SVIL: variants seen among roughly 807,000 people sequenced by gnomAD.
SVIL encodes archvillin.
A neutral mutation model predicts 240.4 loss-of-function variants in SVIL; 101 were observed. That is an observed-to-expected ratio of 0.42 (90% CI 0.36 to 0.50). The LOEUF (loss-of-function observed/expected upper bound fraction) is 0.50. Among genes scored for constraint, SVIL ranks in the 20% least tolerant of loss-of-function variants. SVIL has a pLI of 0.01. For missense variants in SVIL, 2,512 were observed against 2,818.7 expected (o/e 0.89, Z 2.46); for synonymous variants, 999 against 1,100.0 (o/e 0.91, Z 1.82).
At position 29,735,592 on chromosome 10, in the gene SVIL, G is replaced by A. The variant is rs1265371073; in HGVS notation, c.-400+159C>T. ...CCGCCGGCCTCCACCCCCGGGAGGC[G>A]CCCCCGTTCCCGCTTCGGTCCCCGG... On this transcript the variant is annotated intron_variant, in intron 1 of 35. Coordinates refer to the SVIL transcript ENST00000375400. The surrounding 1 kb of genome is among the most constrained non-coding windows in gnomAD (Gnocchi z 4.1). 2.6e-5 allele frequency among the ~76,000 whole-genome samples: 4 copies of A among 151,282 alleles called. No individual in the cohort carries two copies. The highest frequency in any genetic ancestry group is 7.3e-5 in the African/African-American group (3 of 41,374).
chr10:29,573,988 G>A (rs1222825533), intron 1 of SVIL, among the ~76,000 whole-genome samples: 2 of 152,158 alleles, frequency 1.3e-5, no homozygotes, highest in Admixed American at 6.5e-5. Flanking sequence ...GAGCCACCGC[G>A]CCCAGCCTGT....
intron 17 of SVIL, among the ~76,000 whole-genome samples, chr10:29,509,266 A>G (rs1013566696): frequency 3.4e-5 from 5 of 148,678 alleles, no homozygotes; most frequent in African/African-American, 1.2e-4. Flanking sequence ...GAAAGATAAT[A>G]AGGGCAGCAA....
chr10:29,591,461 G>A (rs1956386413), intron 1 of SVIL, among the ~76,000 whole-genome samples: 1 of 152,144 alleles, frequency 6.6e-6, no homozygotes. Context: ...CTAATATACT[G>A]ACAGTTATAA....
chr10:29,475,760 G>T (rs1479765627), intron 29 of SVIL, among the ~76,000 whole-genome samples: 1 of 152,132 alleles, frequency 6.6e-6, no homozygotes, highest in African/African-American at 2.4e-5. Context: ...TGCAGCAGTT[G>T]GTGGGAACAC....
chr10:29,628,706 A>G (rs904308296), intron 1 of SVIL, among the ~76,000 whole-genome samples: 4 of 152,218 alleles, frequency 2.6e-5, no homozygotes, highest in African/African-American at 9.7e-5. Context: ...TCTACTTACA[A>G]ACAGAAAATC....
intron 1 of SVIL, among the ~76,000 whole-genome samples, chr10:29,597,358 T>A (rs1247603196): frequency 6.6e-6 from 1 of 152,132 alleles, no homozygotes; most frequent in East Asian, 1.9e-4. Context: ...CTCCTTTTTT[T>A]TTCTCTTGGG....
intron 1 of SVIL, among the ~76,000 whole-genome samples, chr10:29,578,331 A>C (rs145291590): frequency 6.6e-6 from 1 of 152,344 alleles, no homozygotes; most frequent in Admixed American, 6.5e-5. Context: ...TGAAGGCAAT[A>C]AGACCTCTTA....
At chr10:29,560,211 C>A (rs903695486) in intron 3 of SVIL, among the ~76,000 whole-genome samples, 2 of 152,130 alleles carry the variant, frequency 1.3e-5, no homozygotes, top group African/African-American at 4.8e-5. Context: ...AGCTCATAAA[C>A]CAAGCAATTA....
rs545426141 is a variant in SVIL at position 29,480,424 on chromosome 10, C to T, written c.5377+113G>A. The T allele has an allele frequency of 8.3e-6, 11 of 1,329,666 alleles. No individual in the cohort carries two copies. In the South Asian group the frequency reaches 1.4e-4, roughly 16 times the overall value. The allele number at this position is 1,329,666 out of a possible 1,614,324, so 82.4% of individuals were successfully genotyped here. A position where few individuals can be genotyped will look rare whatever the true frequency, so the allele number is the denominator to read the frequency against. ...TCTCAAAGGCGCATGACTGCAGTGCCCCACTGCACGGACGCAGCAGAGGGC... is the reference window on the plus strand; with the variant it reads ...TCTCAAAGGCGCATGACTGCAGTGCTCCACTGCACGGACGCAGCAGAGGGC... On this transcript the variant is annotated intron_variant, in intron 29 of 37. Transcript: ENST00000355867.
In SVIL at chr10:29,471,177, G is replaced by T; in HGVS notation, c.5596C>A (p.His1866Asn). The T allele has an allele frequency of 6.2e-7, 1 of 1,613,936 alleles. No homozygotes were observed. Among genetic ancestry groups the T allele is most frequent in the Non-Finnish European group, 8.5e-7 (1 of 1,179,978 alleles). Residue 1866 changes from histidine to asparagine, a missense_variant, in exon 31 of 38, where the codon CAC becomes AAC. His to Asn is a moderately conservative substitution (Grantham distance 68). Transcript: ENST00000355867. ...LQCFQGGMVV[H>N]SGRREEEEEN... ...TCTTCCTCTTCCCGCCTCCCCGAGT[G>T]CACCACCATCCCCCCCTGGAAACAC...
intron 1 of SVIL, among the ~76,000 whole-genome samples, chr10:29,576,801 T>C (rs1372947818): frequency 2.6e-5 from 4 of 152,232 alleles, no homozygotes; most frequent in Non-Finnish European, 4.4e-5. Flanking sequence ...CTGCCTTGGC[T>C]TCACAAAATG....
chr10:29,686,897 A>T (rs1340844438), intron 1 of SVIL, among the ~76,000 whole-genome samples: 1 of 152,148 alleles, frequency 6.6e-6, no homozygotes, highest in Non-Finnish European at 1.5e-5. Context: ...AATTGTTTTG[A>T]TTGAATCCAC....
At chr10:29,664,669 C>T (rs1056063099) in intron 2 of SVIL, among the ~76,000 whole-genome samples, 8 of 148,134 alleles carry the variant, frequency 5.4e-5, no homozygotes, top group East Asian at 1.9e-4. Flanking sequence ...TTTTATATTT[C>T]GTAATTTTAT....
At chr10:29,488,014 C>T (rs1297358588) in intron 23 of SVIL, among the ~76,000 whole-genome samples, 7 of 152,154 alleles carry the variant, frequency 4.6e-5, no homozygotes. Context: ...TATACAGTGG[C>T]CACCAGGAGG....
At chr10:29,679,881 TAG>T (rs1960496289) in intron 2 of SVIL, among the ~76,000 whole-genome samples, 2 of 145,648 alleles carry the variant, frequency 1.4e-5, no homozygotes. Context: ...AATCTAAAAT[TAG>T]AAAAAAAAAA....
chr10:29,653,785 G>T (rs750968421), intron 3 of SVIL, among the ~76,000 whole-genome samples: 1 of 152,110 alleles, frequency 6.6e-6, no homozygotes, highest in Non-Finnish European at 1.5e-5. Flanking sequence ...AGTACAATTT[G>T]TTGAAGAGAT....
chr10:29,632,500 A>G (rs1187587835), intron 1 of SVIL, among the ~76,000 whole-genome samples: 1 of 151,942 alleles, frequency 6.6e-6, no homozygotes, highest in Non-Finnish European at 1.5e-5. Context: ...CAAAAAAAAA[A>G]AAAAGAAAAA....
rs1382606120 is a variant in SVIL at position 29,484,153 on chromosome 10, A to G, written c.4955+503T>C. 2.4e-4 allele frequency among the ~76,000 whole-genome samples: 36 copies of G among 152,164 alleles called. No homozygotes were observed. The highest frequency in any genetic ancestry group is 2.3e-3 in the Admixed American group (35 of 15,280). On this transcript the variant is annotated intron_variant, in intron 27 of 37. Coordinates refer to ENST00000355867, the MANE Select transcript of SVIL (RefSeq NM_021738.3). This position sits in a 1 kb window ranked among gnomAD's most constrained non-coding sequence, Gnocchi z 4.7. The stretch of plus-strand genomic sequence containing the variant: ...CAATTGCAATCATTATTTTAACACC[A>G]TCTCCTCCCCCTCTTCCCTTCCCAA...
At chr10:29,602,482 C>A in intron 1 of SVIL, 1 of 248,964 alleles carries the variant, frequency 4.0e-6, no homozygotes, top group East Asian at 1.1e-4. Context: ...GTGAAGTGTT[C>A]ACTGCCAGAA....
Sources: allele counts gnomAD v4.1 joint callset (sites outside exome capture counted in the v4.1 genomes callset), GRCh38; gene constraint gnomAD v4.1.1; non-coding constraint Gnocchi (gnomAD v3.1); transcripts MANE v1.5; gene names NCBI Gene and HGNC (gene_info 2026-07-23, HGNC 2026-07-21).